Variants in SMCHD1 observed in about 807,000 individuals in gnomAD.
SMCHD1 encodes structural maintenance of chromosomes flexible hinge domain-containing protein 1.
SMCHD1 carries 78 observed loss-of-function variants against 254.7 expected under a neutral mutation model. The ratio of observed to expected loss-of-function variants is 0.31; its 90% CI spans 0.26 to 0.37. The LOEUF (loss-of-function observed/expected upper bound fraction) is 0.37. Among genes scored for constraint, SMCHD1 ranks in the 10% least tolerant of loss-of-function variants. The pLI is 1.00. For missense variants in SMCHD1, 1,840 were observed against 2,408.1 expected, an observed-to-expected ratio of 0.76 and a Z score of 4.94; for synonymous variants, 766 against 794.9, an observed-to-expected ratio of 0.96 and a Z score of 0.61.
At chr18:2,679,954 T>G (rs78016299) in intron 5 of SMCHD1, among the ~76,000 whole-genome samples, 1 of 152,174 alleles carries the variant, frequency 6.6e-6, no homozygotes, top group Admixed American at 6.5e-5. Context: ...TTATGGATTC[T>G]TCTGCCAACC....
At chr18:2,669,313 A>T (rs1314173239) in intron 3 of SMCHD1, among the ~76,000 whole-genome samples, 1 of 152,182 alleles carries the variant, frequency 6.6e-6, no homozygotes, top group Non-Finnish European at 1.5e-5. Flanking sequence ...GCACCCCTGC[A>T]CTTCAGTCTG....
intron 47 of SMCHD1, chr18:2,796,966 A>G (rs1430753544): frequency 6.6e-6 from 1 of 152,064 alleles, no homozygotes; most frequent in African/African-American, 2.4e-5. Context: ...TAAAAAAAAT[A>G]AAGTAATAAT....
At chr18:2,730,936 A>G (rs757737938) in intron 24 of SMCHD1, among the ~76,000 whole-genome samples, 1 of 152,144 alleles carries the variant, frequency 6.6e-6, no homozygotes, top group Non-Finnish European at 1.5e-5. Context: ...GATGACTATG[A>G]ATTAGGGAGG....
At chr18:2,730,415 C>A (rs2075115060) in intron 24 of SMCHD1, among the ~76,000 whole-genome samples, 1 of 152,108 alleles carries the variant, frequency 6.6e-6, no homozygotes, top group Non-Finnish European at 1.5e-5. Flanking sequence ...CGTGATCCAC[C>A]CACCTCGGCC....
chr18:2,720,960 T>G (rs2074913588), intron 19 of SMCHD1, among the ~76,000 whole-genome samples: 1 of 152,166 alleles, frequency 6.6e-6, no homozygotes, highest in African/African-American at 2.4e-5. Flanking sequence ...TCTAGACCTT[T>G]TCTTCTTTCC....
At chr18:2,765,069 G>A (rs56843374) in intron 37 of SMCHD1, among the ~76,000 whole-genome samples, 45,298 of 151,892 alleles carry the variant, frequency 0.3, 6,949 homozygotes, top group East Asian at 0.49. Context: ...TATTTTTGTC[G>A]AATATTTTTT....
chr18:2,780,237 CTA>C (rs1491205945), intron 44 of SMCHD1, among the ~76,000 whole-genome samples: 92 of 29,840 alleles, frequency 3.1e-3, no homozygotes, highest in Non-Finnish European at 3.9e-3. Flanking sequence ...AAGACTCTAT[CTA>C]AAAAAAAAAA....
chr18:2,666,508 T>C (rs576029010), intron 2 of SMCHD1, among the ~76,000 whole-genome samples: 35 of 152,358 alleles, frequency 2.3e-4, no homozygotes, highest in African/African-American at 8.2e-4. Context: ...CCAACTTGGA[T>C]TATTCCATTA....
In SMCHD1 at chr18:2,728,349, A is replaced by G. The variant is rs565642461; in HGVS notation, c.2774-108A>G. 8.4e-4 allele frequency: 961 copies of G among 1,137,608 alleles called. 6 individuals are homozygous for G. The African/African-American group carries it at 0.014, about 16-fold the overall frequency. The allele number at this position is 1,137,608 out of a possible 1,614,324, so 70.5% of individuals were successfully genotyped here. A position where few individuals can be genotyped will look rare whatever the true frequency, so the allele number is the denominator to read the frequency against. ...TTGCCTATATTTTTCTTTCTTGGCA[A>G]TATTTATAAAATATTAAGTCTTTAA... On this transcript the variant is annotated intron_variant, in intron 22 of 47. Coordinates refer to ENST00000320876, the MANE Select transcript of SMCHD1 (RefSeq NM_015295.3).
At chr18:2,763,857 C>T in intron 37 of SMCHD1, 68 bp downstream of exon 37, 13 of 1,417,740 alleles carry the variant, frequency 9.2e-6, no homozygotes, top group Non-Finnish European at 1.3e-5. Flanking sequence ...CATATTAAGA[C>T]ACCTTTTCTT....
intron 30 of SMCHD1, among the ~76,000 whole-genome samples, chr18:2,748,827 A>C (rs959287188): frequency 6.6e-6 from 1 of 152,190 alleles, no homozygotes; most frequent in African/African-American, 2.4e-5. Flanking sequence ...TCCACATATA[A>C]AAAATAAATA....
In SMCHD1 at chr18:2,718,490, A is replaced by G; in HGVS notation, c.2458+56A>G. 7.1e-7 allele frequency: 1 copy of G among 1,406,898 alleles called. No homozygotes were observed. Among genetic ancestry groups the G allele is most frequent in the Non-Finnish European group, 9.7e-7 (1 of 1,030,710 alleles). 87.2% of individuals were successfully genotyped at this position (1,406,898 alleles called of 1,614,324 possible). On this transcript the variant is annotated intron_variant, in intron 19 of 47. Transcript: ENST00000320876. The surrounding 1 kb of genome is among the most constrained non-coding windows in gnomAD (Gnocchi z 4.6). ...TGCTAAAGGTGGCATTTTAAATCCAAAGAGAAAAGAGAGATAAGCCATTAA... is the reference window on the plus strand; with the variant it reads ...TGCTAAAGGTGGCATTTTAAATCCAGAGAGAAAAGAGAGATAAGCCATTAA...
chr18:2,747,426 G>C, intron 29 of SMCHD1, 96 bp from the exon 30 acceptor site: 1 of 1,109,232 alleles, frequency 9.0e-7, no homozygotes, highest in Non-Finnish European at 1.2e-6. Context: ...AAATAGAACA[G>C]AGATAAATTA....
chr18:2,752,184 C>A (rs1568310042), intron 33 of SMCHD1, among the ~76,000 whole-genome samples: 1 of 152,098 alleles, frequency 6.6e-6, no homozygotes, highest in Non-Finnish European at 1.5e-5. Flanking sequence ...TTAATTAATC[C>A]TGAATCTTTG....
intron 44 of SMCHD1, among the ~76,000 whole-genome samples, chr18:2,782,763 A>AAAC: frequency 6.6e-6 from 1 of 150,704 alleles, no homozygotes; most frequent in African/African-American, 2.4e-5. Flanking sequence ...AAAAAAAAAA[A>AAAC]AAAAAAAAAG....
At chr18:2,797,753 T>C (rs542136212) in intron 47 of SMCHD1, among the ~76,000 whole-genome samples, 1 of 151,838 alleles carries the variant, frequency 6.6e-6, no homozygotes, top group Non-Finnish European at 1.5e-5. Flanking sequence ...GGCAAAACCC[T>C]GTCTCTACTA....
intron 14 of SMCHD1, 105 bp from the exon 15 acceptor site, chr18:2,706,259 T>G: frequency 1.4e-6 from 1 of 712,846 alleles, no homozygotes; most frequent in Non-Finnish European, 2.2e-6. Context: ...ATGTACTTAA[T>G]TAGGATAAAA....
intron 21 of SMCHD1, among the ~76,000 whole-genome samples, chr18:2,725,528 TAAG>T (rs1248159248): frequency 6.6e-6 from 1 of 151,946 alleles, no homozygotes; most frequent in African/African-American, 2.4e-5. Flanking sequence ...GAAACTCTAA[TAAG>T]GTAATTTTTC....
intron 45 of SMCHD1, among the ~76,000 whole-genome samples, chr18:2,789,958 T>G (rs1214144997): frequency 6.6e-6 from 1 of 151,930 alleles, no homozygotes; most frequent in African/African-American, 2.4e-5. Context: ...CCGAGGCGGG[T>G]GGATCACGAG....
Sources: gnomAD v4.1 joint callset for allele counts (sites outside exome capture counted in the v4.1 genomes callset) on GRCh38, gnomAD v4.1.1 for gene constraint, Gnocchi (gnomAD v3.1) non-coding constraint, MANE v1.5 for transcripts, NCBI Gene and HGNC (gene_info 2026-07-23, HGNC 2026-07-21) for gene names.